CACNA1H: variants seen among roughly 807,000 people sequenced by gnomAD.
The protein encoded by CACNA1H is calcium voltage-gated channel subunit alpha1 H.
A neutral mutation model predicts 192.5 loss-of-function variants in CACNA1H; 149 were observed. That is an observed-to-expected ratio of 0.77 (90% CI 0.68 to 0.89). CACNA1H has a LOEUF of 0.89. Ranked by LOEUF, CACNA1H falls within the 40% of genes least tolerant of loss-of-function variation. The pLI is 0.00. For synonymous variants in CACNA1H, 2,202 were observed against 1,475.2 expected (o/e 1.49, Z -11.29); for missense variants, 4,257 against 3,423.5 (o/e 1.24, Z -6.08).
At position 1,200,791 on chromosome 16, in the gene CACNA1H, T is replaced by C; in HGVS notation, c.1195T>C (p.Phe399Leu). ...DAHSFYNFIY[F>L]ILLIIVGSFF... ...CCACTCATTCTACAACTTCATCTAT[T>C]TCATCCTGCTCATCATCGTGAGTGT... The change falls in exon 8 of 35, where the codon TTC becomes CTC. Residue 399 changes from phenylalanine (F) to leucine (L), a missense_variant. Coordinates refer to ENST00000348261, the MANE Select transcript of CACNA1H (RefSeq NM_021098.3). 1 of 1,552,322 alleles carries C rather than the reference T, an allele frequency of 6.4e-7. No individual in the cohort carries two copies. The highest frequency in any genetic ancestry group is 8.7e-7 in the Non-Finnish European group (1 of 1,147,540).
At position 1,218,377 on chromosome 16, in the gene CACNA1H, G is replaced by A. The variant is rs1365153407; in HGVS notation, c.5613G>A (p.Arg1871=). The A allele has an allele frequency of 3.2e-6, 5 of 1,560,778 alleles. No individual in the cohort carries two copies. The highest frequency in any genetic ancestry group is 4.8e-5 in the East Asian group (2 of 41,570). The part of the protein sequence containing the change: ...KHLEESNKEA[R]EDAELDAEIE... ...TGGAGGAGAGCAACAAGGAGGCACGGGAGGATGCGGAGCTGGACGCCGAGA... is the reference window on the plus strand; with the variant it reads ...TGGAGGAGAGCAACAAGGAGGCACGAGAGGATGCGGAGCTGGACGCCGAGA... The change falls in exon 33 of 35, where the codon CGG becomes CGA. Residue 1871 remains arginine (R), a synonymous_variant. Transcript: ENST00000348261.
At chr16:1,200,203 G>C in intron 6 of CACNA1H, 53 bp from the exon 7 acceptor site, 1 of 1,456,964 alleles carries the variant, frequency 6.9e-7, no homozygotes, top group South Asian at 1.3e-5. Context: ...CCCCGACTCT[G>C]ACCGTCCCTG....
chr16:1,217,030 T>C lies in CACNA1H; in HGVS notation c.5323+20T>C, dbSNP rs533760223. ...GGCTGGGTGAGTGGCTCCTGCGCCC[T>C]CCTCCTGGCACACATGGGGTCCTGA... On this transcript the variant is annotated intron_variant, in intron 31 of 34. Coordinates refer to ENST00000348261, the MANE Select transcript of CACNA1H (RefSeq NM_021098.3). 15 of 1,568,204 alleles carry C rather than the reference T, an allele frequency of 9.6e-6. No individual in the cohort carries two copies. The East Asian group carries it at 3.5e-4, about 37-fold the overall frequency.
intron 2 of CACNA1H, chr16:1,156,846 C>T (rs1385506973): frequency 6.6e-6 from 1 of 152,246 alleles, no homozygotes; most frequent in Admixed American, 6.5e-5. Context: ...GGGGTAGACG[C>T]TCAGCACCAG....
chr16:1,219,443 G>A (rs1238965473), intron 34 of CACNA1H, among the ~76,000 whole-genome samples: 2 of 152,174 alleles, frequency 1.3e-5, no homozygotes, highest in African/African-American at 2.4e-5. Flanking sequence ...GCAGACAGCA[G>A]TTTCCCAGGG....
In CACNA1H at chr16:1,211,575, G is replaced by A. The variant is rs372132309; in HGVS notation, c.4445G>A (p.Arg1482Gln). The A allele has an allele frequency of 5.5e-5, 89 of 1,610,534 alleles. No individual in the cohort carries two copies. The East Asian group carries it at 1.3e-3, about 23-fold the overall frequency. The change falls in exon 23 of 35, where the codon CGA becomes CAA. Residue 1482 changes from arginine to glutamine, a missense_variant. Transcript: ENST00000348261. ...CGGGCCGCCCACTACCGCTGGGTGC[G>A]ACGCAAGTACAACTTCGACAACCTG... ...QCRAAHYRWV[R>Q]RKYNFDNLGQ...
chr16:1,156,324 C>T (rs1219245863), intron 2 of CACNA1H, among the ~76,000 whole-genome samples: 3 of 152,166 alleles, frequency 2.0e-5, no homozygotes, highest in African/African-American at 4.8e-5. Context: ...TTGTGGAGGC[C>T]CCGGCTGCAT....
chr16:1,219,238 G>A (rs1314122600), intron 34 of CACNA1H, 108 bp downstream of exon 34: 2 of 1,112,688 alleles, frequency 1.8e-6, no homozygotes, highest in African/African-American at 1.6e-5. Context: ...CAGGAGGAGG[G>A]TCGCACTGGG....
rs1381748197 is a variant in CACNA1H, at chr16:1,206,989, C to T, written c.2790-12C>T. The T allele has an allele frequency of 1.9e-6, 3 of 1,556,788 alleles. No individual in the cohort carries two copies. The highest frequency in any genetic ancestry group is 2.6e-6 in the Non-Finnish European group (3 of 1,146,136). ...GCCTCCACCCTCAACACGCCCCTGC[C>T]CCCACCCTCAGCATCCTGGGCATGC... is the stretch of plus-strand genomic sequence containing the variant. On this transcript the variant is annotated splice_polypyrimidine_tract_variant and intron_variant, in intron 12 of 34. Coordinates refer to ENST00000348261, the MANE Select transcript of CACNA1H (RefSeq NM_021098.3).
At chr16:1,186,858 C>A (rs1020877158) in intron 2 of CACNA1H, among the ~76,000 whole-genome samples, 2 of 152,182 alleles carry the variant, frequency 1.3e-5, no homozygotes, top group African/African-American at 4.8e-5. Flanking sequence ...GACTTCAGGG[C>A]GGTCCGTCCC....
chr16:1,216,074 C>T (rs192868155), intron 30 of CACNA1H, among the ~76,000 whole-genome samples: 2 of 152,326 alleles, frequency 1.3e-5, no homozygotes, highest in East Asian at 1.9e-4. Context: ...CGTCCGTAGC[C>T]TCTAGTCCAC....
intron 2 of CACNA1H, among the ~76,000 whole-genome samples, chr16:1,173,938 G>A (rs1334368339): frequency 6.6e-6 from 1 of 152,158 alleles, no homozygotes; most frequent in East Asian, 1.9e-4. Context: ...GGGAGTTGTG[G>A]ACATTAACCT....
chr16:1,203,085 G>A (rs1053108840), intron 9 of CACNA1H, among the ~76,000 whole-genome samples: 4 of 152,154 alleles, frequency 2.6e-5, no homozygotes, highest in Non-Finnish European at 5.9e-5. Context: ...GTCCCCCGTG[G>A]TGGGGAGAGG....
At chr16:1,168,110 G>A (rs1415915028) in intron 2 of CACNA1H, among the ~76,000 whole-genome samples, 2 of 152,156 alleles carry the variant, frequency 1.3e-5, no homozygotes, top group African/African-American at 4.8e-5. Context: ...AGGTGGACCA[G>A]AATTCCCCTG....
chr16:1,218,182 C>A, intron 32 of CACNA1H, 28 bp from the exon 33 acceptor site: 1 of 1,542,322 alleles, frequency 6.5e-7, no homozygotes, highest in Non-Finnish European at 8.8e-7. Context: ...GGGTGTGGAC[C>A]CCGGCCCACA....
At chr16:1,216,867 C>CT (rs1424662439) in intron 30 of CACNA1H, 65 bp from the exon 31 acceptor site, 17 of 1,348,384 alleles carry the variant, frequency 1.3e-5, no homozygotes, top group Non-Finnish European at 1.8e-5. Flanking sequence ...GCCGAGTGCC[C>CT]TGCAGGGTGG....
rs1961901627 is a variant in CACNA1H at position 1,153,812 on chromosome 16, G to T, written c.75G>T (p.Leu25Phe). The change falls in exon 2 of 35, where the codon TTG becomes TTT. Residue 25 changes from leucine (L) to phenylalanine (F), a missense_variant. Coordinates refer to ENST00000348261, the MANE Select transcript of CACNA1H (RefSeq NM_021098.3). ...LGAPPPGPAA[L>F]VGASPESPGA... ...CGCCGCCCCCTGGCCCTGCGGCGTT[G>T]GTGGGGGCGTCCCCGGAGAGCCCCG... 7.9e-7 allele frequency: 1 copy of T among 1,268,804 alleles called. No homozygotes were observed. Among genetic ancestry groups the T allele is most frequent in the Non-Finnish European group, 9.9e-7 (1 of 1,008,170 alleles). The allele number at this position is 1,268,804 out of a possible 1,614,324, so 78.6% of individuals were successfully genotyped here.
chr16:1,192,006 C>T (rs1420029262), intron 2 of CACNA1H, among the ~76,000 whole-genome samples: 2 of 152,278 alleles, frequency 1.3e-5, no homozygotes, highest in African/African-American at 2.4e-5. Flanking sequence ...AGGCCGTCTG[C>T]AGCTGGCGTG....
chr16:1,197,554 C>T (rs577188389), intron 5 of CACNA1H, among the ~76,000 whole-genome samples: 1 of 152,344 alleles, frequency 6.6e-6, no homozygotes, highest in East Asian at 1.9e-4. Flanking sequence ...AATGAGGACA[C>T]GCTCAGGGCT....
Sources: allele counts gnomAD v4.1 joint callset (sites outside exome capture counted in the v4.1 genomes callset), GRCh38; gene constraint gnomAD v4.1.1; transcripts MANE v1.5; gene names NCBI Gene and HGNC (gene_info 2026-07-23, HGNC 2026-07-21).